Variants in NRXN3 observed in about 807,000 individuals in gnomAD.
NRXN3 encodes neurexin III.
A neutral mutation model predicts 137.6 loss-of-function variants in NRXN3; 32 were observed. The observed-to-expected ratio is 0.23, with a 90% CI of 0.18 to 0.31. The LOEUF (loss-of-function observed/expected upper bound fraction) is 0.31. Ranked by LOEUF, NRXN3 falls within the 10% of genes least tolerant of loss-of-function variation. NRXN3 has a pLI of 1.00. For synonymous variants in NRXN3, 798 were observed against 784.5 expected (o/e 1.02, Z -0.29); for missense variants, 1,574 against 2,062.5 (o/e 0.76, Z 4.59).
intron 4 of NRXN3, among the ~76,000 whole-genome samples, chr14:78,554,025 A>C (rs1202090074): frequency 6.6e-6 from 1 of 152,150 alleles, no homozygotes; most frequent in African/African-American, 2.4e-5. Context: ...TGAAGGGTGC[A>C]CTCTGATGGG....
At chr14:78,314,677 G>T (rs1052413829) in intron 4 of NRXN3, among the ~76,000 whole-genome samples, 1 of 152,148 alleles carries the variant, frequency 6.6e-6, no homozygotes, top group Non-Finnish European at 1.5e-5. Context: ...GGGGCCTGGT[G>T]GCTACAGTGA....
At chr14:79,344,155 C>G (rs2092752936) in intron 15 of NRXN3, among the ~76,000 whole-genome samples, 1 of 152,222 alleles carries the variant, frequency 6.6e-6, no homozygotes. Flanking sequence ...TATCTATATT[C>G]TACTGAGGCA....
At chr14:78,788,016 T>G (rs2098794214) in intron 8 of NRXN3, among the ~76,000 whole-genome samples, 1 of 152,208 alleles carries the variant, frequency 6.6e-6, no homozygotes, top group African/African-American at 2.4e-5. Flanking sequence ...CTTTACAGTT[T>G]GAATTGCAGA....
chr14:78,541,146 G>T (rs1338177917), intron 4 of NRXN3, among the ~76,000 whole-genome samples: 2 of 152,094 alleles, frequency 1.3e-5, no homozygotes, highest in Non-Finnish European at 2.9e-5. Flanking sequence ...TATATTTCCT[G>T]AATTTGAATG....
At chr14:78,916,895 G>T (rs139105381) in intron 10 of NRXN3, among the ~76,000 whole-genome samples, 27 of 152,162 alleles carry the variant, frequency 1.8e-4, no homozygotes, top group African/African-American at 6.0e-4. Flanking sequence ...GCTTTTAGAT[G>T]GCTGTCTTCT....
At chr14:79,044,337 T>G (rs1333879551) in intron 15 of NRXN3, among the ~76,000 whole-genome samples, 1 of 152,222 alleles carries the variant, frequency 6.6e-6, no homozygotes, top group African/African-American at 2.4e-5. Flanking sequence ...TGAGTTAAGG[T>G]GTCCTGAGTT....
chr14:79,041,604 A>G (rs191270293), intron 15 of NRXN3, among the ~76,000 whole-genome samples: 112 of 152,282 alleles, frequency 7.4e-4, no homozygotes, highest in Non-Finnish European at 1.4e-3. Context: ...TTATTATTAT[A>G]AAAATACCTG....
At chr14:79,038,146 G>T (rs1405855376) in intron 15 of NRXN3, among the ~76,000 whole-genome samples, 2 of 151,936 alleles carry the variant, frequency 1.3e-5, no homozygotes, top group African/African-American at 4.8e-5. Context: ...ATAATATATT[G>T]AATGTCCATT....
At chr14:78,205,156 A>G (rs2062057670) in intron 1 of NRXN3, among the ~76,000 whole-genome samples, 1 of 152,248 alleles carries the variant, frequency 6.6e-6, no homozygotes, top group Non-Finnish European at 1.5e-5. Context: ...TGGAGACTGA[A>G]GGGCTGGGGA....
chr14:79,077,785 A>G (rs1218259039), intron 15 of NRXN3, among the ~76,000 whole-genome samples: 2 of 152,198 alleles, frequency 1.3e-5, no homozygotes, highest in Non-Finnish European at 2.9e-5. Context: ...GTGGTATAAT[A>G]TTGCACCTTA....
At chr14:79,697,347 A>C (rs1317543006) in intron 18 of NRXN3, among the ~76,000 whole-genome samples, 1 of 152,016 alleles carries the variant, frequency 6.6e-6, no homozygotes, top group Non-Finnish European at 1.5e-5. Context: ...ACCCAAGAAG[A>C]CCATAATACT....
chr14:79,720,506 C>G (rs1403071177), intron 19 of NRXN3, among the ~76,000 whole-genome samples: 1 of 152,074 alleles, frequency 6.6e-6, no homozygotes, highest in African/African-American at 2.4e-5. Context: ...AGTTTAAGGA[C>G]CTTAGTCATG....
At position 78,958,481 on chromosome 14, in the gene NRXN3, G is replaced by A. The variant is rs1035341376; in HGVS notation, c.2395+1120G>A. Among the ~76,000 whole-genome samples the A allele has an allele frequency of 6.6e-5, 10 of 151,168 alleles. 1 individual carries two copies. The highest frequency in any genetic ancestry group is 4.2e-4 in the South Asian group (2 of 4,780). On this transcript the variant is annotated intron_variant, in intron 11 of 20. Transcript: ENST00000335750. ...CGCCATTCTCCTGCCTCAGCCTCCC[G>A]AGTAGCTGGGACTACAGGTGCCTGC... is the stretch of plus-strand genomic sequence containing the variant.
intron 15 of NRXN3, among the ~76,000 whole-genome samples, chr14:79,133,239 C>G (rs1283491727): frequency 1.3e-5 from 2 of 152,178 alleles, no homozygotes; most frequent in Admixed American, 6.5e-5. Context: ...GTAGCTGAAG[C>G]TAAGTCTGTC....
In NRXN3 at chr14:78,744,438, G is replaced by A. The variant is rs2098597686; in HGVS notation, c.2044+29299G>A. 1.3e-5 allele frequency: 2 copies of A among 152,176 alleles called. 1 individual carries two copies. The highest frequency in any genetic ancestry group is 4.1e-4 in the South Asian group (2 of 4,834). The allele number at this position is 152,176 out of a possible 1,614,324, so 9.4% of individuals were successfully genotyped here. ...GCCATGTCTCCCGGCCTGATATCCT[G>A]CAGTTTTGAGATACAGTTTTGTGTG... On this transcript the variant is annotated intron_variant, in intron 8 of 20. Coordinates refer to ENST00000335750, the MANE Select transcript of NRXN3 (RefSeq NM_001330195.2).
At chr14:78,794,626 GTGTGTGTGTA>G (rs1171379245) in intron 8 of NRXN3, among the ~76,000 whole-genome samples, 1 of 151,490 alleles carries the variant, frequency 6.6e-6, no homozygotes, top group Non-Finnish European at 1.5e-5. Flanking sequence ...GTGTGTGTGT[GTGTGTGTGTA>G]TATAATATAT....
intron 4 of NRXN3, among the ~76,000 whole-genome samples, chr14:78,484,041 G>GAT (rs2095520731): frequency 6.7e-6 from 1 of 148,958 alleles, no homozygotes; most frequent in Non-Finnish European, 1.5e-5. Flanking sequence ...GAGAGAGAGA[G>GAT]AGAGAGAGCA....
chr14:78,420,955 T>G (rs556904947), intron 4 of NRXN3, among the ~76,000 whole-genome samples: 2 of 152,316 alleles, frequency 1.3e-5, no homozygotes, highest in South Asian at 4.2e-4. Context: ...GAGAGCATGA[T>G]GTGTGCTGTG....
At chr14:78,938,842 A>ATTTTTTTTTTTTTTTTTT (rs1312407059) in intron 10 of NRXN3, among the ~76,000 whole-genome samples, 1 of 134,370 alleles carries the variant, frequency 7.4e-6, no homozygotes, top group East Asian at 2.1e-4. Flanking sequence ...GTCCAGAGTG[A>ATTTTTTTTTTTTTTTTTT]TTTTTCTTTT....
Sources: allele counts gnomAD v4.1 joint callset (sites outside exome capture counted in the v4.1 genomes callset), GRCh38; gene constraint gnomAD v4.1.1; transcripts MANE v1.5; gene names NCBI Gene and HGNC (gene_info 2026-07-23, HGNC 2026-07-21).